HHAT: variants seen among roughly 807,000 people sequenced by gnomAD.
HHAT encodes protein-cysteine N-palmitoyltransferase HHAT.
Under a neutral mutation model 70.8 loss-of-function variants are expected in HHAT, and 47 were observed. The ratio of observed to expected loss-of-function variants is 0.66; its 90% CI spans 0.53 to 0.85. The LOEUF (loss-of-function observed/expected upper bound fraction) is 0.85. Among genes scored for constraint, HHAT ranks in the 40% least tolerant of loss-of-function variants. HHAT has a pLI of 0.00. For synonymous variants in HHAT, 228 were observed against 247.6 expected (o/e 0.92, Z 0.74); for missense variants, 609 against 604.8 (o/e 1.01, Z -0.07).
chr1:210,555,168 A>G (rs1419826882), intron 9 of HHAT, among the ~76,000 whole-genome samples: 1 of 152,218 alleles, frequency 6.6e-6, no homozygotes, highest in South Asian at 2.1e-4. Context: ...AGAGAAACTA[A>G]CAACCAACCA....
At chr1:210,597,813 T>G (rs778135924) in intron 10 of HHAT, among the ~76,000 whole-genome samples, 2 of 151,930 alleles carry the variant, frequency 1.3e-5, no homozygotes, top group Non-Finnish European at 2.9e-5. Context: ...TACTCGGTGC[T>G]CTACTCCACT....
At chr1:210,493,134 C>T (rs1324300117) in intron 8 of HHAT, among the ~76,000 whole-genome samples, 2 of 151,910 alleles carry the variant, frequency 1.3e-5, no homozygotes, top group African/African-American at 2.4e-5. Context: ...AAGTTTGCAA[C>T]TTTTAGTCAT....
intron 10 of HHAT, among the ~76,000 whole-genome samples, chr1:210,600,459 G>A (rs1663996892): frequency 6.6e-6 from 1 of 152,152 alleles, no homozygotes; most frequent in Non-Finnish European, 1.5e-5. Context: ...TCTAGTGATG[G>A]CAAAATGCTG....
chr1:210,554,070 G>A (rs142570004), intron 9 of HHAT, among the ~76,000 whole-genome samples: 207 of 152,312 alleles, frequency 1.4e-3, no homozygotes, highest in South Asian at 0.012. Flanking sequence ...AACCGGGGCT[G>A]CTAGGTTATG....
chr1:210,614,298 A>C lies in HHAT; in HGVS notation c.1246-9228A>C, dbSNP rs988731391. ...CCTGCAACTTTGCTGAATTTGTTTA[A>C]ATTTTTGGTAGAATTTTTAGGGTTT... On this transcript the variant is annotated intron_variant, in intron 10 of 11. Coordinates refer to ENST00000261458, the MANE Select transcript of HHAT (RefSeq NM_018194.6). 3.3e-5 allele frequency among the ~76,000 whole-genome samples: 5 copies of C among 151,914 alleles called. No homozygotes were observed. In the East Asian group the frequency reaches 9.6e-4, roughly 29 times the overall value.
intron 1 of HHAT, among the ~76,000 whole-genome samples, chr1:210,330,139 C>T (rs548458064): frequency 6.6e-6 from 1 of 152,276 alleles, no homozygotes; most frequent in Non-Finnish European, 1.5e-5. Flanking sequence ...ATTGAAGAGG[C>T]GGTAGTTCAT....
At chr1:210,377,755 A>G (rs191292396) in intron 3 of HHAT, among the ~76,000 whole-genome samples, 187 of 152,156 alleles carry the variant, frequency 1.2e-3, no homozygotes, top group Non-Finnish European at 2.3e-3. Flanking sequence ...CCCCTTTACC[A>G]TTTTACACTG....
intron 4 of HHAT, among the ~76,000 whole-genome samples, chr1:210,389,393 C>A (rs577976512): frequency 8.9e-4 from 135 of 152,278 alleles, no homozygotes; most frequent in African/African-American, 2.9e-3. Context: ...CAGTCCCACT[C>A]CCGTGATAAC....
intron 1 of HHAT, among the ~76,000 whole-genome samples, chr1:210,337,820 G>A (rs1571686635): frequency 6.8e-6 from 1 of 146,266 alleles, no homozygotes; most frequent in South Asian, 2.3e-4. Flanking sequence ...ACTTCTAGGG[G>A]ACCCATCTTT....
At chr1:210,410,178 G>A (rs185148669) in intron 6 of HHAT, among the ~76,000 whole-genome samples, 1 of 151,722 alleles carries the variant, frequency 6.6e-6, no homozygotes, top group Admixed American at 6.6e-5. Flanking sequence ...TCAGCCTCCC[G>A]AGTAGCTGGG....
intron 6 of HHAT, among the ~76,000 whole-genome samples, chr1:210,406,633 A>G (rs1004643056): frequency 6.6e-6 from 1 of 152,090 alleles, no homozygotes; most frequent in African/African-American, 2.4e-5. Flanking sequence ...AGGTCAGGCA[A>G]TCTGCCCTCA....
At position 210,493,971 on chromosome 1, in the gene HHAT, G is replaced by A. The variant is rs985213226; in HGVS notation, c.1008-19182G>A. Among the ~76,000 whole-genome samples, 4 of 152,300 alleles carry A rather than the reference G, an allele frequency of 2.6e-5. No homozygotes were observed. In the East Asian group the frequency reaches 7.7e-4, roughly 29 times the overall value. ...TGAAATTGAGGGTGACCTTCCAGGT[G>A]TGGTCTGATGAACACAAGACATGCT... On this transcript the variant is annotated intron_variant, in intron 8 of 11. Transcript: ENST00000261458.
At chr1:210,571,031 C>G (rs963976390) in intron 9 of HHAT, among the ~76,000 whole-genome samples, 1 of 152,208 alleles carries the variant, frequency 6.6e-6, no homozygotes, top group Non-Finnish European at 1.5e-5. Context: ...AGGAGGCTCT[C>G]CCAATCTCCT....
At chr1:210,534,066 C>T (rs1362655400) in intron 9 of HHAT, among the ~76,000 whole-genome samples, 8 of 152,140 alleles carry the variant, frequency 5.3e-5, no homozygotes, top group Admixed American at 5.2e-4. Context: ...AGTGGAAGGA[C>T]ATCTTTCCAT....
chr1:210,637,432 A>G (rs1297883626), intron 11 of HHAT, among the ~76,000 whole-genome samples: 1 of 152,188 alleles, frequency 6.6e-6, no homozygotes, highest in Non-Finnish European at 1.5e-5. Flanking sequence ...AAAACTAAAA[A>G]CTTTGGTGCT....
At chr1:210,582,850 A>G (rs940930609) in intron 9 of HHAT, among the ~76,000 whole-genome samples, 4 of 152,242 alleles carry the variant, frequency 2.6e-5, no homozygotes, top group Admixed American at 1.3e-4. Flanking sequence ...GACACTGAAC[A>G]GTGGCTAACA....
intron 9 of HHAT, among the ~76,000 whole-genome samples, chr1:210,515,904 T>C (rs186706585): frequency 1.7e-3 from 263 of 152,010 alleles, no homozygotes; most frequent in African/African-American, 6.0e-3. Context: ...ATAGTGCCTC[T>C]ACTAAAAATA....
intron 9 of HHAT, among the ~76,000 whole-genome samples, chr1:210,517,374 G>T (rs1177663112): frequency 1.3e-5 from 2 of 152,006 alleles, no homozygotes; most frequent in Non-Finnish European, 2.9e-5. Context: ...CGATCCTCCC[G>T]CAGTGCTGGG....
At chr1:210,448,603 T>C (rs1336315857) in intron 7 of HHAT, among the ~76,000 whole-genome samples, 1 of 152,192 alleles carries the variant, frequency 6.6e-6, no homozygotes, top group Non-Finnish European at 1.5e-5. Flanking sequence ...GGATGGGTGT[T>C]GCTTCTAGAC....
Sources: gnomAD v4.1 joint callset for allele counts (sites outside exome capture counted in the v4.1 genomes callset) on GRCh38, gnomAD v4.1.1 for gene constraint, MANE v1.5 for transcripts, NCBI Gene and HGNC (gene_info 2026-07-23, HGNC 2026-07-21) for gene names.